Variants in BRCA1 observed in about 807,000 individuals in gnomAD.
BRCA1 encodes breast cancer type 1 susceptibility protein.
A neutral mutation model predicts 173.7 loss-of-function variants in BRCA1; 140 were observed. The observed-to-expected ratio is 0.81, with a 90% CI of 0.70 to 0.93. The LOEUF (loss-of-function observed/expected upper bound fraction) is 0.93. Among genes scored for constraint, BRCA1 ranks in the 40% least tolerant of loss-of-function variants. The probability of loss-of-function intolerance (pLI) is 0.00; values close to 1 mark genes in which losing one functional copy is unlikely to be tolerated. For missense variants in BRCA1, 1,983 were observed against 2,172.5 expected (o/e 0.91, Z 1.73); for synonymous variants, 662 against 756.0 (o/e 0.88, Z 2.04).
chr17:43,067,836 ATTTTTTTTTTT>A, intron 15 of BRCA1, 141 bp from the exon 16 acceptor site: 1 of 215,064 alleles, frequency 4.6e-6, no homozygotes, highest in Non-Finnish European at 7.9e-6. Context: ...TTTAAAGTGA[ATTTTTTTTTTT>A]TTTTTTTTAG....
intron 19 of BRCA1, among the ~76,000 whole-genome samples, chr17:43,054,398 C>G (rs1049955140): frequency 1.3e-5 from 2 of 152,210 alleles, no homozygotes; most frequent in African/African-American, 2.4e-5. Flanking sequence ...TACTGGTTCC[C>G]TCTTAAGTTT....
chr17:43,139,228 CTT>C (rs754510195), intron 1 of BRCA1, among the ~76,000 whole-genome samples: 8 of 130,308 alleles, frequency 6.1e-5, no homozygotes, highest in Non-Finnish European at 1.0e-4. Flanking sequence ...GTGTTTTTTC[CTT>C]TTTTTTTTTT....
At chr17:43,098,029 T>C (rs970583507) in intron 7 of BRCA1, among the ~76,000 whole-genome samples, 2 of 134,598 alleles carry the variant, frequency 1.5e-5, no homozygotes, top group African/African-American at 5.2e-5. Flanking sequence ...GCTCAGCAGC[T>C]CTTTTTTTTT....
intron 1 of BRCA1, among the ~76,000 whole-genome samples, chr17:43,146,029 G>C (rs2056119268): frequency 6.6e-6 from 1 of 152,064 alleles, no homozygotes; most frequent in Admixed American, 6.6e-5. Flanking sequence ...TCACCCTGTT[G>C]GAGTTGTGGG....
At chr17:43,046,666 A>T (rs2050930111) in intron 22 of BRCA1, among the ~76,000 whole-genome samples, 1 of 151,436 alleles carries the variant, frequency 6.6e-6, no homozygotes, top group South Asian at 2.1e-4. Flanking sequence ...GAGGCAGGAG[A>T]ATCATTTAAA....
chr17:43,115,655 A>T, intron 3 of BRCA1, 71 bp downstream of exon 3: 1 of 1,406,514 alleles, frequency 7.1e-7, no homozygotes, highest in Non-Finnish European at 9.9e-7. Flanking sequence ...CTATAAAGTT[A>T]GGTGTTTCCT....
rs80357478 is a variant in BRCA1, at chr17:43,092,620, G to C, written c.2911C>G (p.His971Asp). 1.2e-6 allele frequency: 2 copies of C among 1,614,044 alleles called. No individual in the cohort carries two copies. The highest frequency in any genetic ancestry group is 1.3e-5 in the African/African-American group (1 of 75,018). The change falls in exon 10 of 23, where the codon CAT (histidine) becomes GAT (aspartate). Residue 971 changes from histidine (H) to aspartate (D), a missense_variant. Coordinates refer to ENST00000357654, the MANE Select transcript of BRCA1 (RefSeq NM_007294.4). ...CGATATGGGTTTTGTAAAAGTCCATGTTTATTTGGAGTAATGAGTCCAGTT... is the reference window on the plus strand; with the variant it reads ...CGATATGGGTTTTGTAAAAGTCCATCTTTATTTGGAGTAATGAGTCCAGTT... ...NETGLITPNK[H>D]GLLQNPYRIP...
intron 7 of BRCA1, 111 bp downstream of exon 7, chr17:43,099,664 T>A: frequency 1.1e-6 from 1 of 886,910 alleles, no homozygotes; most frequent in South Asian, 1.3e-5. Context: ...AAAATTCACT[T>A]CCCAAAGCTG....
At chr17:43,135,062 C>G (rs558558609) in intron 1 of BRCA1, among the ~76,000 whole-genome samples, 1 of 152,246 alleles carries the variant, frequency 6.6e-6, no homozygotes, top group South Asian at 2.1e-4. Context: ...CTTTCCCAGC[C>G]CCTGGCTTTG....
upstream of BRCA1, among the ~76,000 whole-genome samples, chr17:43,125,963 T>A (rs549707401): frequency 3.3e-5 from 5 of 151,420 alleles, no homozygotes; most frequent in East Asian, 9.7e-4. Flanking sequence ...TGCGCGCTTG[T>A]ACTTGTCAAC....
rs1567789376 is a variant in BRCA1 at position 43,091,555 on chromosome 17, G to A, written c.3976C>T (p.His1326Tyr). The A allele has an allele frequency of 6.2e-7, 1 of 1,614,126 alleles. No homozygotes were observed. Among genetic ancestry groups the A allele is most frequent in the Non-Finnish European group, 8.5e-7 (1 of 1,180,024 alleles). Residue 1326 changes from histidine (H) to tyrosine (Y), a missense_variant, in exon 10 of 23, where the codon CAT (histidine) becomes TAT (tyrosine). Coordinates refer to ENST00000357654, the MANE Select transcript of BRCA1 (RefSeq NM_007294.4). Reference protein sequence around the residue: ...FLIGSSKQMRHQSESQGVGLS... With the variant: ...FLIGSSKQMRYQSESQGVGLS... ...CCAACTCCCTGGCTTTCAGACTGATGCCTCATTTGTTTGGAAGAACCAATC... is the reference window on the plus strand; with the variant it reads ...CCAACTCCCTGGCTTTCAGACTGATACCTCATTTGTTTGGAAGAACCAATC...
intron 11 of BRCA1, among the ~76,000 whole-genome samples, chr17:43,084,932 A>G (rs990928993): frequency 7.2e-5 from 11 of 152,324 alleles, no homozygotes; most frequent in African/African-American, 2.4e-4. Flanking sequence ...CATAAATCAG[A>G]AAAAGTAGTG....
chr17:43,160,867 A>C (rs984558067), intron 1 of BRCA1: 1 of 152,162 alleles, frequency 6.6e-6, no homozygotes, highest in Non-Finnish European at 1.5e-5. Context: ...GAAGCTTTTT[A>C]TCATTTGAAG....
In BRCA1 at chr17:43,093,907, T is replaced by TC. The variant is rs397508891; in HGVS notation, c.1623dup (p.Asn542GlufsTer9). 1 of 1,613,916 alleles carries TC rather than the reference T, an allele frequency of 6.2e-7. No homozygotes were observed. Among genetic ancestry groups the TC allele is most frequent in the African/African-American group, 1.3e-5 (1 of 74,936 alleles). On this transcript the variant is annotated frameshift_variant, in exon 10 of 23. Coordinates refer to ENST00000357654, the MANE Select transcript of BRCA1 (RefSeq NM_007294.4). LOFTEE classifies it high-confidence loss of function. ...TTAGTAATATTCATCACTTGACCAT[T>TC]CTGCTCCGTTTGGTTAGTTCCCTGA... is the stretch of plus-strand genomic sequence containing the variant.
chr17:43,132,439 C>T (rs1382099904), intron 1 of BRCA1, among the ~76,000 whole-genome samples: 1 of 152,130 alleles, frequency 6.6e-6, no homozygotes, highest in Non-Finnish European at 1.5e-5. Flanking sequence ...GCAGCCCTGG[C>T]TCTAAAACCC....
At chr17:43,145,233 G>T in intron 1 of BRCA1, 2 of 697,030 alleles carry the variant, frequency 2.9e-6, no homozygotes, top group South Asian at 2.8e-5. Context: ...GATGAAGCAG[G>T]AGATAAAGAA....
chr17:43,061,113 G>A (rs915761575), intron 18 of BRCA1, among the ~76,000 whole-genome samples: 1 of 152,008 alleles, frequency 6.6e-6, no homozygotes, highest in African/African-American at 2.4e-5. Context: ...GGGATAGAGG[G>A]AGACACCATC....
At chr17:43,120,569 T>G (rs767468738) in intron 2 of BRCA1, among the ~76,000 whole-genome samples, 17 of 146,776 alleles carry the variant, frequency 1.2e-4, no homozygotes, top group Non-Finnish European at 2.1e-4. Context: ...GTGGAGACCA[T>G]CCTGGCTAAC....
chr17:43,079,654 C>T (rs2052911187), intron 12 of BRCA1: 1 of 877,426 alleles, frequency 1.1e-6, no homozygotes, highest in Non-Finnish European at 2.0e-6. Context: ...AGAAAGAAGC[C>T]AAAGAGAAAG....
Sources: allele counts gnomAD v4.1 joint callset (sites outside exome capture counted in the v4.1 genomes callset), GRCh38; gene constraint gnomAD v4.1.1; transcripts MANE v1.5; gene names NCBI Gene and HGNC (gene_info 2026-07-23, HGNC 2026-07-21).